FHL3: variants seen among roughly 807,000 people sequenced by gnomAD.
FHL3 encodes four and a half LIM domains 3.
FHL3 carries 21 observed loss-of-function variants against 34.3 expected under a neutral mutation model. The observed-to-expected ratio is 0.61, with a 90% CI of 0.43 to 0.88. The LOEUF is 0.88. FHL3 is among the 40% of genes least tolerant of loss of function. The pLI is 0.00. For synonymous variants in FHL3, 137 were observed against 144.6 expected (o/e 0.95, Z 0.38); for missense variants, 333 against 373.7 (o/e 0.89, Z 0.90).
At position 37,997,764 on chromosome 1, in the gene FHL3, C is replaced by G. The variant is rs755072543; in HGVS notation, c.608G>C (p.Arg203Pro). The G allele has an allele frequency of 3.9e-5, 63 of 1,614,156 alleles. No homozygotes were observed. The highest frequency in any genetic ancestry group is 5.3e-5 in the Non-Finnish European group (62 of 1,180,000). Reference sequence around the variant, plus strand: ...GGCCACACAGTAGGGATCTTCATCCCGGGAGGTGAACTGCTGCCCTGCCAG... The same window carrying G: ...GGCCACACAGTAGGGATCTTCATCCGGGGAGGTGAACTGCTGCCCTGCCAG... ...TPLAGQQFTS[R>P]DEDPYCVACF... The change falls in exon 5 of 6, where the codon CGG becomes CCG. Residue 203 changes from arginine to proline, a missense_variant. By Grantham distance (103) the Arg-to-Pro change is moderately radical (BLOSUM62 -2). Transcript: ENST00000373016. This position sits in a 1 kb window ranked among gnomAD's most constrained non-coding sequence, Gnocchi z 4.3.
Position 37,998,896 on chromosome 1 carries a change from T to G in FHL3, c.331+78A>C, listed in dbSNP as rs1046053155. On this transcript the variant is annotated intron_variant, in intron 3 of 5. Transcript: ENST00000373016. ...TGCAGGTCTTTACACAGACCAAGTC[T>G]CCATGTATCAGACAGACACATGCAA... 7.5e-6 allele frequency: 11 copies of G among 1,457,376 alleles called. No homozygotes were observed. In the African/African-American group the frequency reaches 1.4e-4, roughly 19 times the overall value. The allele number at this position is 1,457,376 out of a possible 1,614,324, so 90.3% of individuals were successfully genotyped here.
chr1:37,999,220 A>T, intron 2 of FHL3, 37 bp downstream of exon 2: 1 of 1,613,944 alleles, frequency 6.2e-7, no homozygotes, highest in Non-Finnish European at 8.5e-7. Context: ...TCCACTGGTC[A>T]CCACCCACCT....
chr1:38,003,804 G>A (rs528453326), intron 1 of FHL3, among the ~76,000 whole-genome samples: 2 of 152,288 alleles, frequency 1.3e-5, no homozygotes, highest in South Asian at 2.1e-4. Flanking sequence ...GTGATGAAGC[G>A]GATGGTGACA....
At chr1:38,001,916 A>G (rs1240433473) in intron 1 of FHL3, among the ~76,000 whole-genome samples, 1 of 152,222 alleles carries the variant, frequency 6.6e-6, no homozygotes, top group Non-Finnish European at 1.5e-5. Context: ...TAAATGAGAT[A>G]CTACCACTTC....
chr1:37,997,554 C>A lies in FHL3; in HGVS notation c.694G>T (p.Gly232Cys), dbSNP rs77418439. The stretch of plus-strand genomic sequence containing the variant: ...TCAAAGGACACATACTTGCCTCCAC[C>A]GAGTCCTGGAGGGAGGCTGGAAGTT... ...SSCKRPIVGLGGGKYVSFEDR... is the reference protein window; with the variant it reads ...SSCKRPIVGLCGGKYVSFEDR... The change falls in exon 6 of 6, where the codon GGT becomes TGT. Residue 232 changes from glycine (G) to cysteine (C), a missense_variant. Gly to Cys is a radical substitution (Grantham distance 159, BLOSUM62 -3). Coordinates refer to ENST00000373016, the MANE Select transcript of FHL3 (RefSeq NM_004468.5). This position sits in a 1 kb window ranked among gnomAD's most constrained non-coding sequence, Gnocchi z 4.3. 1 of 1,613,698 alleles carries A rather than the reference C, an allele frequency of 6.2e-7. No individual in the cohort carries two copies. Among genetic ancestry groups the A allele is most frequent in the East Asian group, 2.2e-5 (1 of 44,826 alleles).
At chr1:38,000,623 T>G (rs1325001079) in intron 1 of FHL3, among the ~76,000 whole-genome samples, 2 of 152,184 alleles carry the variant, frequency 1.3e-5, no homozygotes, top group East Asian at 3.9e-4. Flanking sequence ...GAACAAAGCA[T>G]GTTTGTGGGA....
At chr1:38,005,047 T>C (rs907627589) in intron 1 of FHL3, among the ~76,000 whole-genome samples, 2 of 152,076 alleles carry the variant, frequency 1.3e-5, no homozygotes, top group Non-Finnish European at 2.9e-5. Flanking sequence ...AGAACCTCAG[T>C]TTCTCCAGCG....
At chr1:38,001,941 T>C (rs1049239511) in intron 1 of FHL3, among the ~76,000 whole-genome samples, 18 of 152,314 alleles carry the variant, frequency 1.2e-4, no homozygotes, top group African/African-American at 4.3e-4. Flanking sequence ...CTCCTAAGTT[T>C]GTTGTCAGGC....
chr1:38,000,477 G>C (rs1408755199), intron 1 of FHL3, among the ~76,000 whole-genome samples: 1 of 152,156 alleles, frequency 6.6e-6, no homozygotes, highest in Non-Finnish European at 1.5e-5. Context: ...AGGAGAGAGA[G>C]CAAGAGCCAC....
intron 1 of FHL3, among the ~76,000 whole-genome samples, chr1:38,001,282 G>A (rs1160240675): frequency 6.6e-6 from 1 of 152,236 alleles, no homozygotes; most frequent in Non-Finnish European, 1.5e-5. Context: ...CAACATCTGA[G>A]GATTGCCTGG....
Position 37,997,859 on chromosome 1 carries a change from C to A in FHL3, c.513G>T (p.Gln171His). ...GCTGATCACGGTATGTCACTCCACC[C>A]TGTGTCAGCGTCTGTGGGGGCAGCA... ...RCARCSKTLTQGGVTYRDQPW... is the reference protein window; with the variant it reads ...RCARCSKTLTHGGVTYRDQPW... The change falls in exon 5 of 6, where the codon CAG becomes CAT. Residue 171 changes from glutamine (Q) to histidine (H), a missense_variant. Physicochemically the swap from Gln to His is conservative, Grantham distance 24. Coordinates refer to ENST00000373016, the MANE Select transcript of FHL3 (RefSeq NM_004468.5). The surrounding 1 kb of genome is among the most constrained non-coding windows in gnomAD (Gnocchi z 4.3). The A allele has an allele frequency of 6.2e-7, 1 of 1,613,784 alleles. No homozygotes were observed. Among genetic ancestry groups the A allele is most frequent in the Non-Finnish European group, 8.5e-7 (1 of 1,179,724 alleles).
Position 37,999,379 on chromosome 1 carries a change from C to A in FHL3, c.34G>T (p.Glu12Ter), listed in dbSNP as rs753595382. 6.2e-7 allele frequency: 1 copy of A among 1,614,098 alleles called. No homozygotes were observed. The highest frequency in any genetic ancestry group is 1.3e-5 in the African/African-American group (1 of 74,928). Residue 12 changes from glutamate to a stop codon, truncating the protein, a stop_gained, in exon 2 of 6, where the codon GAG becomes TAG. Coordinates refer to ENST00000373016, the MANE Select transcript of FHL3 (RefSeq NM_004468.5). LOFTEE classifies it high-confidence loss of function. ...SESFDCAKCN[E>*]SLYGRKYIQT... ...ATGTACTTGCGTCCATACAGGGACTCGTTGCATTTTGCACAGTCAAATGAC... is the reference window on the plus strand; with the variant it reads ...ATGTACTTGCGTCCATACAGGGACTAGTTGCATTTTGCACAGTCAAATGAC...
intron 1 of FHL3, among the ~76,000 whole-genome samples, chr1:37,999,805 C>A (rs1646575211): frequency 6.6e-6 from 1 of 152,202 alleles, no homozygotes; most frequent in Non-Finnish European, 1.5e-5. Flanking sequence ...CAGGGAGCCA[C>A]CCCACTCTAC....
intron 1 of FHL3, among the ~76,000 whole-genome samples, chr1:38,002,131 C>T (rs530409813): frequency 6.6e-6 from 1 of 150,386 alleles, no homozygotes; most frequent in East Asian, 2.0e-4. Context: ...CAGAGTCTCG[C>T]TCTGTCGCCC....
intron 1 of FHL3, among the ~76,000 whole-genome samples, chr1:38,001,134 G>A (rs1352775405): frequency 3.3e-5 from 5 of 152,352 alleles, no homozygotes; most frequent in African/African-American, 4.8e-5. Flanking sequence ...GCCAGCTTGC[G>A]CTCCAGGCCA....
chr1:38,001,740 T>C (rs993101486), intron 1 of FHL3, among the ~76,000 whole-genome samples: 2 of 151,886 alleles, frequency 1.3e-5, no homozygotes, highest in African/African-American at 4.8e-5. Flanking sequence ...CCTCCAACAA[T>C]CTCCCCTCAC....
intron 1 of FHL3, among the ~76,000 whole-genome samples, chr1:38,004,107 G>A (rs1018394228): frequency 1.3e-5 from 2 of 152,032 alleles, no homozygotes; most frequent in Admixed American, 6.6e-5. Context: ...CTCTGCTACC[G>A]GGCACCAACC....
At position 37,999,313 on chromosome 1, in the gene FHL3, T is replaced by C; in HGVS notation, c.100A>G (p.Asn34Asp). The stretch of plus-strand genomic sequence containing the variant: ...TCAGCACAGGTGTTGGCAAAGGTAT[T>C]GTCATAGCAGGGCACACAGTAGGGG... Reference protein sequence around the residue: ...SGPYCVPCYDNTFANTCAECQ... With the variant: ...SGPYCVPCYDDTFANTCAECQ... The change falls in exon 2 of 6, where the codon AAT becomes GAT. Residue 34 changes from asparagine to aspartate, a missense_variant. By Grantham distance (23) the Asn-to-Asp change is conservative. Transcript: ENST00000373016. 1.2e-6 allele frequency: 2 copies of C among 1,614,222 alleles called. No homozygotes were observed. The highest frequency in any genetic ancestry group is 1.7e-6 in the Non-Finnish European group (2 of 1,180,042).
At position 37,999,261 on chromosome 1, in the gene FHL3, G is replaced by C. The variant is rs779116540; in HGVS notation, c.152C>G (p.Ser51Trp). ...AECQQLIGHD[S>W]RELFYEDRHF... ...CTGGCCTGGCCCTCTCCTTACCCTC[G>C]AGTCATGCCCGATAAGCTGCTGGCA... The change falls in exon 2 of 6, where the codon TCG (serine) becomes TGG (tryptophan). Residue 51 changes from serine to tryptophan, a missense_variant. Coordinates refer to ENST00000373016, the MANE Select transcript of FHL3 (RefSeq NM_004468.5). 1.2e-6 allele frequency: 2 copies of C among 1,614,164 alleles called. No individual in the cohort carries two copies. The highest frequency in any genetic ancestry group is 2.2e-5 in the East Asian group (1 of 44,886).
Sources: allele counts gnomAD v4.1 joint callset (sites outside exome capture counted in the v4.1 genomes callset), GRCh38; gene constraint gnomAD v4.1.1; non-coding constraint Gnocchi (gnomAD v3.1); transcripts MANE v1.5; gene names NCBI Gene and HGNC (gene_info 2026-07-23, HGNC 2026-07-21).